MCTP1: variants seen among roughly 807,000 people sequenced by gnomAD.
MCTP1 encodes the protein multiple C2 and transmembrane domain-containing protein 1.
Under a neutral mutation model 120.6 loss-of-function variants are expected in MCTP1, and 69 were observed. That is an observed-to-expected ratio of 0.57 (90% CI 0.47 to 0.70). The LOEUF (loss-of-function observed/expected upper bound fraction) is 0.70. Ranked by LOEUF, MCTP1 falls within the 30% of genes least tolerant of loss-of-function variation. The pLI is 0.00. For missense variants in MCTP1, 1,203 were observed against 1,248.8 expected (o/e 0.96, Z 0.55); for synonymous variants, 529 against 493.1 (o/e 1.07, Z -0.96).
chr5:94,952,939 C>T lies in MCTP1; in HGVS notation c.981+280G>A, dbSNP rs552878406. ...TTATATGGAAACTTGTTTTCATATG[C>T]TCCCAAACTGCACTAAATCAGTTGG... is the stretch of plus-strand genomic sequence containing the variant. On this transcript the variant is annotated intron_variant, in intron 3 of 22. Transcript: ENST00000515393. 5.3e-5 allele frequency among the ~76,000 whole-genome samples: 8 copies of T among 152,340 alleles called. No individual in the cohort carries two copies. In the East Asian group the frequency reaches 1.4e-3, roughly 26 times the overall value.
rs1554138336 is a variant in MCTP1 at position 94,920,785 on chromosome 5, A to ATAAT, written c.1273-2816_1273-2813dup. 1.7e-3 allele frequency among the ~76,000 whole-genome samples: 257 copies of ATAAT among 147,398 alleles called. 2 individuals are homozygous for ATAAT. Among genetic ancestry groups the ATAAT allele is most frequent in the African/African-American group, 6.1e-3 (244 of 40,328 alleles). On this transcript the variant is annotated intron_variant, in intron 7 of 22. Coordinates refer to ENST00000515393, the MANE Select transcript of MCTP1 (RefSeq NM_024717.7). ...AATAAATAAATAAATAAATAAATAA[A>ATAAT]TAATAAAAAGTCAAAAACTCTTCTC...
chr5:95,222,859 A>T (rs2152618198), intron 1 of MCTP1, among the ~76,000 whole-genome samples: 1 of 152,378 alleles, frequency 6.6e-6, no homozygotes, highest in East Asian at 1.9e-4. Flanking sequence ...ATATATATTG[A>T]AAGAAATTTA....
intron 1 of MCTP1, among the ~76,000 whole-genome samples, chr5:95,215,865 A>G (rs1021445731): frequency 6.6e-6 from 1 of 152,126 alleles, no homozygotes; most frequent in Non-Finnish European, 1.5e-5. Context: ...AGTTCTAAAC[A>G]CAGACACTTT....
At chr5:95,069,064 A>G (rs1314187737) in intron 1 of MCTP1, among the ~76,000 whole-genome samples, 1 of 151,792 alleles carries the variant, frequency 6.6e-6, no homozygotes, top group African/African-American at 2.4e-5. Flanking sequence ...TTTATAGCTA[A>G]TTATGACAGC....
intron 1 of MCTP1, among the ~76,000 whole-genome samples, chr5:95,157,568 A>C (rs746655202): frequency 6.6e-6 from 1 of 152,258 alleles, no homozygotes; most frequent in Non-Finnish European, 1.5e-5. Flanking sequence ...CTAAAGACGA[A>C]GGCAAGAGAT....
At chr5:94,847,456 T>C (rs1184802421) in intron 17 of MCTP1, among the ~76,000 whole-genome samples, 2 of 151,860 alleles carry the variant, frequency 1.3e-5, no homozygotes, top group Non-Finnish European at 2.9e-5. Flanking sequence ...AAATAAAAGG[T>C]CAAATTTCCG....
chr5:94,991,128 T>C (rs1172252706), intron 2 of MCTP1, among the ~76,000 whole-genome samples: 1 of 152,216 alleles, frequency 6.6e-6, no homozygotes. Context: ...TACAATGCTT[T>C]TGTCTTTCCC....
rs79927543 is a variant in MCTP1, at chr5:94,832,691, T to C, written c.2437-33559A>G. 3.0e-3 allele frequency among the ~76,000 whole-genome samples: 452 copies of C among 151,824 alleles called. 16 individuals are homozygous for C. In the East Asian group the frequency reaches 0.067, roughly 23 times the overall value. ...AATGACTTCATGACAAGTGGTCTGG[T>C]TGTGAGCACTACCTTAAATTCCAGC... On this transcript the variant is annotated intron_variant, in intron 17 of 22. Coordinates refer to ENST00000515393, the MANE Select transcript of MCTP1 (RefSeq NM_024717.7).
intron 17 of MCTP1, among the ~76,000 whole-genome samples, chr5:94,821,432 T>C (rs1785625451): frequency 6.6e-6 from 1 of 152,204 alleles, no homozygotes; most frequent in African/African-American, 2.4e-5. Context: ...CCCTGTCTAG[T>C]ACTTGAGCTC....
chr5:94,732,584 C>G (rs1001457083), intron 19 of MCTP1, among the ~76,000 whole-genome samples: 2 of 152,188 alleles, frequency 1.3e-5, no homozygotes, highest in Non-Finnish European at 2.9e-5. Flanking sequence ...CCACCAAATT[C>G]ATATGTTGAA....
At chr5:94,786,055 A>G (rs145396468) in intron 18 of MCTP1, among the ~76,000 whole-genome samples, 2,614 of 152,260 alleles carry the variant, frequency 0.017, 104 homozygotes, top group African/African-American at 0.059. Flanking sequence ...TTTAAAGAAT[A>G]TACTTTGAAA....
chr5:94,883,687 A>T (rs935174624), intron 12 of MCTP1, among the ~76,000 whole-genome samples: 4 of 152,210 alleles, frequency 2.6e-5, no homozygotes, highest in Admixed American at 6.5e-5. Flanking sequence ...CATTTATCAG[A>T]CATCGTTGAT....
At chr5:94,966,213 A>C (rs193071390) in intron 2 of MCTP1, among the ~76,000 whole-genome samples, 114 of 152,284 alleles carry the variant, frequency 7.5e-4, no homozygotes, top group African/African-American at 2.5e-3. Context: ...GCATATTTAG[A>C]CTTTCAGACT....
intron 18 of MCTP1, among the ~76,000 whole-genome samples, chr5:94,793,108 A>C (rs1487625227): frequency 6.6e-6 from 1 of 152,122 alleles, no homozygotes; most frequent in Non-Finnish European, 1.5e-5. Flanking sequence ...TCATCTACTG[A>C]GAGGGAGGGG....
intron 19 of MCTP1, among the ~76,000 whole-genome samples, chr5:94,740,230 G>T (rs1765204761): frequency 6.6e-6 from 1 of 152,126 alleles, no homozygotes; most frequent in Admixed American, 6.5e-5. Context: ...TCTACAGGCT[G>T]CATACTCTTA....
At chr5:94,909,189 A>G (rs184399652) in intron 10 of MCTP1, 62 bp downstream of exon 10, 2 of 1,553,800 alleles carry the variant, frequency 1.3e-6, no homozygotes, top group East Asian at 4.5e-5. Flanking sequence ...CCAGGCTTAC[A>G]GCAAATATTC....
rs375338587 is a variant in MCTP1 at position 94,954,001 on chromosome 5, C to CAT, written c.839-642_839-641dup. Among the ~76,000 whole-genome samples, 141 of 39,032 alleles carry CAT rather than the reference C, an allele frequency of 3.6e-3. 8 individuals carry two copies. The highest frequency in any genetic ancestry group is 5.5e-3 in the South Asian group (7 of 1,262). The allele number at this position is 39,032 out of a possible 152,430, so 25.6% of individuals were successfully genotyped here. On this transcript the variant is annotated intron_variant, in intron 2 of 22. Transcript: ENST00000515393. ...GCATATATATACAAATATATATATG[C>CAT]ATATATATACAAATATATATGCATA...
intron 19 of MCTP1, among the ~76,000 whole-genome samples, chr5:94,766,436 C>T (rs905241145): frequency 1.4e-5 from 2 of 138,080 alleles, no homozygotes; most frequent in African/African-American, 5.6e-5. Flanking sequence ...GAAAACCAAA[C>T]ACCACATGTT....
intron 2 of MCTP1, among the ~76,000 whole-genome samples, chr5:94,994,193 C>T (rs761953864): frequency 2.1e-4 from 32 of 152,142 alleles, no homozygotes; most frequent in Non-Finnish European, 4.6e-4. Flanking sequence ...GTCATCTAAC[C>T]GTAGGCCTTA....
Sources: allele counts gnomAD v4.1 joint callset (sites outside exome capture counted in the v4.1 genomes callset), GRCh38; gene constraint gnomAD v4.1.1; transcripts MANE v1.5; gene names NCBI Gene and HGNC (gene_info 2026-07-23, HGNC 2026-07-21).